CCDC191: variants seen among roughly 807,000 people sequenced by gnomAD.
The protein encoded by CCDC191 is coiled-coil domain-containing protein 191.
CCDC191 carries 99 observed loss-of-function variants against 114.0 expected under a neutral mutation model. The observed-to-expected ratio is 0.87, with a 90% confidence interval of 0.74 to 1.03. CCDC191 has a LOEUF of 1.03. Ranked by LOEUF, CCDC191 falls within the 50% of genes least tolerant of loss-of-function variation. The pLI, the probability that CCDC191 is intolerant of heterozygous loss-of-function variation, is 0.00. For synonymous variants in CCDC191, 351 were observed against 376.0 expected, an observed-to-expected ratio of 0.93 and a Z score of 0.77; for missense variants, 973 against 1,087.0, an observed-to-expected ratio of 0.90 and a Z score of 1.47.
At chr3:114,018,270 A>T (rs774652224) in intron 8 of CCDC191, among the ~76,000 whole-genome samples, 1 of 152,236 alleles carries the variant, frequency 6.6e-6, no homozygotes, top group African/African-American at 2.4e-5. Context: ...CCAGAACACA[A>T]GGGAAAATCC....
rs146858137 is a variant in CCDC191, at chr3:113,989,264, T to C, written c.2164-8471A>G. 3.3e-3 allele frequency among the ~76,000 whole-genome samples: 496 copies of C among 152,302 alleles called. 10 individuals carry two copies. Among genetic ancestry groups the C allele is most frequent in the Admixed American group, 0.027 (419 of 15,290 alleles). On this transcript the variant is annotated intron_variant, in intron 13 of 16. Coordinates refer to ENST00000295878, the MANE Select transcript of CCDC191 (RefSeq NM_020817.2). Reference sequence around the variant, plus strand: ...GGCACAAAATCAGTAAGAATACAGATATAGATACCGTAAGACACAGTAAAA... The same window carrying C: ...GGCACAAAATCAGTAAGAATACAGACATAGATACCGTAAGACACAGTAAAA...
chr3:114,001,248 G>A (rs571281569), intron 13 of CCDC191, among the ~76,000 whole-genome samples: 148 of 152,236 alleles, frequency 9.7e-4, no homozygotes, highest in African/African-American at 3.2e-3. Context: ...CAGTTTAGTT[G>A]GGGATGTAGA....
chr3:113,966,086 A>G (rs965233022), intron 16 of CCDC191, among the ~76,000 whole-genome samples: 4 of 152,178 alleles, frequency 2.6e-5, no homozygotes, highest in Non-Finnish European at 5.9e-5. Flanking sequence ...CCTCAACGCA[A>G]AAATGATGGA....
intron 3 of CCDC191, among the ~76,000 whole-genome samples, chr3:114,045,613 G>C (rs960696900): frequency 6.6e-6 from 1 of 152,044 alleles, no homozygotes; most frequent in Non-Finnish European, 1.5e-5. Flanking sequence ...GTCATACTCA[G>C]AGTAAAATCT....
At chr3:113,970,096 T>C (rs1490494490) in intron 16 of CCDC191, among the ~76,000 whole-genome samples, 1 of 152,166 alleles carries the variant, frequency 6.6e-6, no homozygotes, top group Non-Finnish European at 1.5e-5. Context: ...AGGTATTTTA[T>C]TTTCTTTGTA....
At chr3:114,052,427 T>C (rs1359717125) in intron 2 of CCDC191, among the ~76,000 whole-genome samples, 1 of 152,142 alleles carries the variant, frequency 6.6e-6, no homozygotes, top group East Asian at 1.9e-4. Context: ...CTCTCAACAC[T>C]CACATGCAAG....
At chr3:113,993,304 A>G (rs1017431764) in intron 13 of CCDC191, among the ~76,000 whole-genome samples, 2 of 152,278 alleles carry the variant, frequency 1.3e-5, no homozygotes, top group African/African-American at 4.8e-5. Context: ...TAGAATAGCC[A>G]AAACATTCTG....
At chr3:113,983,320 C>A (rs1044173045) in intron 13 of CCDC191, among the ~76,000 whole-genome samples, 1 of 152,174 alleles carries the variant, frequency 6.6e-6, no homozygotes, top group Admixed American at 6.5e-5. Context: ...TCTATCCAGA[C>A]AATCTCCCAA....
chr3:114,053,942 G>C (rs1393350177), intron 1 of CCDC191, among the ~76,000 whole-genome samples: 2 of 151,812 alleles, frequency 1.3e-5, no homozygotes, highest in East Asian at 3.9e-4. Context: ...TTAGGGTTAA[G>C]AGTCAAGATA....
intron 3 of CCDC191, among the ~76,000 whole-genome samples, chr3:114,044,928 G>A (rs1186112123): frequency 6.6e-6 from 1 of 152,024 alleles, no homozygotes; most frequent in African/African-American, 2.4e-5. Flanking sequence ...TATTAGTATA[G>A]TTTATGATAG....
chr3:114,032,323 C>A (rs1316934308), intron 6 of CCDC191, among the ~76,000 whole-genome samples: 1 of 152,060 alleles, frequency 6.6e-6, no homozygotes, highest in Non-Finnish European at 1.5e-5. Flanking sequence ...AGGCAAGTAA[C>A]CAGAATTATT....
At chr3:114,021,380 A>G (rs72956691) in intron 7 of CCDC191, among the ~76,000 whole-genome samples, 4,802 of 152,158 alleles carry the variant, frequency 0.032, 235 homozygotes, top group African/African-American at 0.11. Context: ...CCTGTATGGC[A>G]ACTACTTTCT....
intron 13 of CCDC191, among the ~76,000 whole-genome samples, chr3:114,000,085 T>G (rs1159868648): frequency 6.6e-6 from 1 of 151,396 alleles, no homozygotes; most frequent in African/African-American, 2.4e-5. Flanking sequence ...ATGGCTAATT[T>G]TATGTGTCAA....
Position 114,005,640 on chromosome 3 carries a change from T to A in CCDC191, c.1736A>T (p.Glu579Val). ...TGCCAGCTGCAGGTTTTTCTTCAGC[T>A]CGAGAATTGTTTTCTGCTGTTCCTG... ...KLQEQQKTILELKKNLQLAEA... is the reference protein window; with the variant it reads ...KLQEQQKTILVLKKNLQLAEA... The change falls in exon 10 of 17, where the codon GAG (glutamate) becomes GTG (valine). Residue 579 changes from glutamate (E) to valine (V), a missense_variant. Glu to Val is a moderately radical substitution (Grantham distance 121). Transcript: ENST00000295878. 6.2e-7 allele frequency: 1 copy of A among 1,614,150 alleles called. No individual in the cohort carries two copies. The highest frequency in any genetic ancestry group is 8.5e-7 in the Non-Finnish European group (1 of 1,179,994).
chr3:113,988,626 C>CA (rs887679387), intron 13 of CCDC191, among the ~76,000 whole-genome samples: 1,180 of 41,996 alleles, frequency 0.028, 25 homozygotes, highest in East Asian at 0.083. Context: ...GACTCCATCT[C>CA]AAAAAAAAAA....
chr3:114,035,850 CTT>C (rs2076475252), intron 5 of CCDC191, among the ~76,000 whole-genome samples: 1 of 152,164 alleles, frequency 6.6e-6, no homozygotes, highest in South Asian at 2.1e-4. Flanking sequence ...TCTCTCCTCT[CTT>C]TTGTCATAAA....
chr3:113,996,391 T>C (rs1266948964), intron 13 of CCDC191, among the ~76,000 whole-genome samples: 1 of 152,224 alleles, frequency 6.6e-6, no homozygotes, highest in Admixed American at 6.5e-5. Context: ...CTTGTTTTTA[T>C]CAGGTTTGTT....
At chr3:113,981,021 C>T (rs1047762445) in intron 13 of CCDC191, among the ~76,000 whole-genome samples, 2 of 152,080 alleles carry the variant, frequency 1.3e-5, no homozygotes, top group African/African-American at 4.8e-5. Context: ...TATGCATATT[C>T]GTGGATTTAT....
At position 113,978,851 on chromosome 3, in the gene CCDC191, T is replaced by C; in HGVS notation, c.2460+7A>G. 1 of 1,613,584 alleles carries C rather than the reference T, an allele frequency of 6.2e-7. No individual in the cohort carries two copies. The highest frequency in any genetic ancestry group is 8.5e-7 in the Non-Finnish European group (1 of 1,179,652). On this transcript the variant is annotated splice_region_variant and intron_variant, in intron 15 of 16. Transcript: ENST00000295878. ...TGTATTTAAGGTACCCTTCCCTATG[T>C]CCTTACCTGTAGCCAGCTCTGGATG...
Sources: allele counts gnomAD v4.1 joint callset (sites outside exome capture counted in the v4.1 genomes callset), GRCh38; gene constraint gnomAD v4.1.1; transcripts MANE v1.5; gene names NCBI Gene and HGNC (gene_info 2026-07-23, HGNC 2026-07-21).